ATP8A1: variants seen among roughly 807,000 people sequenced by gnomAD.
ATP8A1 encodes phospholipid-transporting ATPase IA.
A neutral mutation model predicts 177.7 loss-of-function variants in ATP8A1; 90 were observed. The observed-to-expected ratio is 0.51, with a 90% CI of 0.43 to 0.60. The LOEUF is 0.60. ATP8A1 is among the 20% of genes least tolerant of loss of function. The pLI is 0.00. For synonymous variants in ATP8A1, 493 were observed against 485.9 expected (o/e 1.01, Z -0.19); for missense variants, 1,072 against 1,392.8 (o/e 0.77, Z 3.67).
intron 33 of ATP8A1, among the ~76,000 whole-genome samples, chr4:42,431,266 C>T (rs558876545): frequency 3.3e-5 from 5 of 152,234 alleles, no homozygotes; most frequent in Non-Finnish European, 7.4e-5. Context: ...TATTTTCAGT[C>T]AGACTCTAAT....
chr4:42,481,287 T>C (rs1721643172), intron 25 of ATP8A1, among the ~76,000 whole-genome samples: 1 of 152,188 alleles, frequency 6.6e-6, no homozygotes, highest in Non-Finnish European at 1.5e-5. Flanking sequence ...GCCCAGCAGC[T>C]TTCCAACCAG....
At chr4:42,603,497 T>C (rs1161209864) in intron 5 of ATP8A1, among the ~76,000 whole-genome samples, 2 of 152,224 alleles carry the variant, frequency 1.3e-5, no homozygotes, top group Admixed American at 6.5e-5. Context: ...AGCAATGCTT[T>C]TGATGCAACT....
intron 1 of ATP8A1, among the ~76,000 whole-genome samples, chr4:42,631,885 G>A (rs1738774505): frequency 6.6e-6 from 1 of 152,112 alleles, no homozygotes; most frequent in Non-Finnish European, 1.5e-5. Flanking sequence ...CCAAGTTGTT[G>A]GAGACATCTC....
At chr4:42,581,538 T>C in intron 10 of ATP8A1, 83 bp downstream of exon 10, 1 of 975,952 alleles carries the variant, frequency 1.0e-6, no homozygotes, top group Non-Finnish European at 1.6e-6. Flanking sequence ...GTCTCCTATG[T>C]TTGGGACCAC....
chr4:42,594,805 T>C (rs1170098959), intron 6 of ATP8A1, among the ~76,000 whole-genome samples: 3 of 152,112 alleles, frequency 2.0e-5, no homozygotes, highest in Admixed American at 2.0e-4. Context: ...AAAATGAGTT[T>C]GAGATTCTGA....
At chr4:42,634,613 C>CA (rs1403622051) in intron 1 of ATP8A1, among the ~76,000 whole-genome samples, 6 of 152,070 alleles carry the variant, frequency 3.9e-5, no homozygotes, top group African/African-American at 1.4e-4. Flanking sequence ...TTAGGTCTAC[C>CA]AGTTATGAGC....
rs1732878874 is a variant in ATP8A1 at position 42,580,082 on chromosome 4, G to A, written c.835-104C>T. The A allele has an allele frequency of 4.8e-6, 4 of 825,804 alleles. No individual in the cohort carries two copies. The East Asian group carries it at 1.2e-4, about 24-fold the overall frequency. 51.2% of individuals were successfully genotyped at this position (825,804 alleles called of 1,614,324 possible). ...TGACAAAGTCACAACTCAGTATCTA[G>A]ATGTGGGTGGATACGTGAAAATTAT... On this transcript the variant is annotated intron_variant, in intron 10 of 36. Transcript: ENST00000381668.
At chr4:42,573,078 A>G (rs1732064975) in intron 14 of ATP8A1, among the ~76,000 whole-genome samples, 1 of 152,200 alleles carries the variant, frequency 6.6e-6, no homozygotes, top group South Asian at 2.1e-4. Context: ...GACCTCTTCC[A>G]AGAATAAGAA....
intron 5 of ATP8A1, among the ~76,000 whole-genome samples, chr4:42,602,225 C>G (rs1158885843): frequency 1.3e-5 from 2 of 152,076 alleles, no homozygotes; most frequent in African/African-American, 4.8e-5. Flanking sequence ...AGTTACGGAC[C>G]AAGGATCTAA....
chr4:42,453,678 T>A (rs533040589), intron 29 of ATP8A1, among the ~76,000 whole-genome samples: 2 of 152,350 alleles, frequency 1.3e-5, no homozygotes, highest in East Asian at 3.9e-4. Context: ...GATCAATTTA[T>A]GTTTTTAAGC....
intron 22 of ATP8A1, among the ~76,000 whole-genome samples, chr4:42,520,493 A>G (rs1333320980): frequency 6.6e-6 from 1 of 152,132 alleles, no homozygotes. Flanking sequence ...TTATTTTACT[A>G]CATAAATGCC....
intron 1 of ATP8A1, among the ~76,000 whole-genome samples, chr4:42,639,336 C>A (rs1739711501): frequency 6.6e-6 from 1 of 152,128 alleles, no homozygotes; most frequent in South Asian, 2.1e-4. Flanking sequence ...ACGTTAGAGA[C>A]CACTCGATTT....
rs1317800276 is a variant in ATP8A1, at chr4:42,635,780, C to CATATATATATATAT, written c.50-8672_50-8671insATATATATATATAT. On this transcript the variant is annotated intron_variant, in intron 1 of 36. Transcript: ENST00000381668. Reference sequence around the variant, plus strand: ...ACACACACACACACACACACACACACACATATATATATATATATATATATA... The same window carrying CATATATATATATAT: ...ACACACACACACACACACACACACACATATATATATATATACATATATATATATATATATATATA... Among the ~76,000 whole-genome samples, 323 of 43,248 alleles carry CATATATATATATAT rather than the reference C, an allele frequency of 7.5e-3. 2 individuals carry two copies. The highest frequency in any genetic ancestry group is 9.4e-3 in the Non-Finnish European group (185 of 19,590). The allele number at this position is 43,248 out of a possible 152,430, so 28.4% of individuals were successfully genotyped here. A position where few individuals can be genotyped will look rare whatever the true frequency, so the allele number is the denominator to read the frequency against.
chr4:42,618,224 CA>C (rs1469386026), intron 4 of ATP8A1, among the ~76,000 whole-genome samples: 1 of 152,198 alleles, frequency 6.6e-6, no homozygotes, highest in Non-Finnish European at 1.5e-5. Flanking sequence ...TTGCCATCTG[CA>C]CCTTGACCCT....
At chr4:42,477,053 T>C (rs1020176441) in intron 25 of ATP8A1, among the ~76,000 whole-genome samples, 3 of 152,234 alleles carry the variant, frequency 2.0e-5, no homozygotes, top group Admixed American at 6.5e-5. Flanking sequence ...GTATATTTAC[T>C]GATGTTATTG....
At chr4:42,587,017 C>T (rs1177137836) in intron 8 of ATP8A1, among the ~76,000 whole-genome samples, 1 of 152,166 alleles carries the variant, frequency 6.6e-6, no homozygotes, top group Non-Finnish European at 1.5e-5. Flanking sequence ...CCAACACATC[C>T]CAACCCTCCC....
rs901501371 is a variant in ATP8A1 at position 42,416,330 on chromosome 4, C to A, written c.3306-1612G>T. ...GGGAGACTAGAGGATGGCAATGTATCATTATGCAGCATCTTCTTCCCAAAA... is the reference window on the plus strand; with the variant it reads ...GGGAGACTAGAGGATGGCAATGTATAATTATGCAGCATCTTCTTCCCAAAA... On this transcript the variant is annotated intron_variant, in intron 35 of 36. Transcript: ENST00000381668. Among the ~76,000 whole-genome samples, 5 of 152,272 alleles carry A rather than the reference C, an allele frequency of 3.3e-5. No individual in the cohort carries two copies. In the East Asian group the frequency reaches 9.6e-4, roughly 29 times the overall value.
chr4:42,598,116 C>T (rs920369502), intron 6 of ATP8A1, among the ~76,000 whole-genome samples: 2 of 152,044 alleles, frequency 1.3e-5, no homozygotes, highest in African/African-American at 4.8e-5. Flanking sequence ...TGAGATATTG[C>T]TCTTCTTCAA....
chr4:42,435,460 A>AAAAAAAAAAAAAT (rs1560320624), intron 33 of ATP8A1, among the ~76,000 whole-genome samples: 1 of 108,214 alleles, frequency 9.2e-6, no homozygotes, highest in African/African-American at 3.0e-5. Flanking sequence ...CAAAAAAAAA[A>AAAAAAAAAAAAAT]AAACAAACTA....
Sources: allele counts gnomAD v4.1 joint callset (sites outside exome capture counted in the v4.1 genomes callset), GRCh38; gene constraint gnomAD v4.1.1; transcripts MANE v1.5; gene names NCBI Gene and HGNC (gene_info 2026-07-23, HGNC 2026-07-21).